The following IL19 variants were observed in gnomAD, a reference collection of about 807,000 sequenced individuals.
The protein encoded by IL19 is interleukin-19.
IL19 carries 15 observed loss-of-function variants against 19.5 expected under a neutral mutation model. The observed-to-expected ratio is 0.77, with a 90% CI of 0.52 to 1.19. IL19 has a LOEUF of 1.19. Among genes scored for constraint, IL19 ranks in the 50% most tolerant of loss-of-function variants. The probability of loss-of-function intolerance (pLI) is 0.00; values close to 1 mark genes in which losing one functional copy is unlikely to be tolerated. For synonymous variants in IL19, 78 were observed against 78.3 expected, an observed-to-expected ratio of 1.00 and a Z score of 0.02; for missense variants, 199 against 213.1, an observed-to-expected ratio of 0.93 and a Z score of 0.41.
chr1:206,776,469 T>A (rs202128935), intron 1 of IL19, among the ~76,000 whole-genome samples: 1 of 151,844 alleles, frequency 6.6e-6, no homozygotes, highest in East Asian at 1.9e-4. Flanking sequence ...TGCAAATAGA[T>A]TTTGGAGGGT....
At chr1:206,795,621 A>G (rs991663387) in intron 1 of IL19, among the ~76,000 whole-genome samples, 2 of 152,246 alleles carry the variant, frequency 1.3e-5, no homozygotes, top group African/African-American at 2.4e-5. Flanking sequence ...CTTCTTCCTC[A>G]TTCTATGGAT....
intron 1 of IL19, among the ~76,000 whole-genome samples, chr1:206,783,304 G>T (rs1025128206): frequency 3.3e-5 from 5 of 152,142 alleles, no homozygotes; most frequent in African/African-American, 1.2e-4. Context: ...AATAGTTTAA[G>T]GAGGCCCAAC....
At chr1:206,835,720 G>A (rs943424391) in intron 2 of IL19, among the ~76,000 whole-genome samples, 7 of 152,338 alleles carry the variant, frequency 4.6e-5, no homozygotes, top group Admixed American at 6.5e-5. Flanking sequence ...GGCTGCTCTC[G>A]TCACATGTGT....
At chr1:206,831,683 C>T (rs367893203) in intron 2 of IL19, among the ~76,000 whole-genome samples, 27 of 152,108 alleles carry the variant, frequency 1.8e-4, no homozygotes, top group Non-Finnish European at 3.5e-4. Context: ...ACATGGTGAA[C>T]GTGCAGTAGG....
intron 2 of IL19, among the ~76,000 whole-genome samples, chr1:206,836,017 G>A (rs988077597): frequency 2.6e-5 from 4 of 152,180 alleles, no homozygotes; most frequent in Admixed American, 6.5e-5. Context: ...GGTGACCGAC[G>A]GGAAGTTGCC....
chr1:206,830,335 A>T (rs1487803890), intron 2 of IL19, among the ~76,000 whole-genome samples: 1 of 152,232 alleles, frequency 6.6e-6, no homozygotes, highest in Non-Finnish European at 1.5e-5. Flanking sequence ...ACTGAAAATG[A>T]GGAATAAAAG....
chr1:206,781,914 T>C (rs1675146215), intron 1 of IL19, among the ~76,000 whole-genome samples: 1 of 112,014 alleles, frequency 8.9e-6, no homozygotes. Flanking sequence ...CATATATATG[T>C]ATATAGTTAT....
chr1:206,816,957 A>G (rs1043099961), intron 2 of IL19, among the ~76,000 whole-genome samples: 4 of 152,242 alleles, frequency 2.6e-5, no homozygotes, highest in Non-Finnish European at 4.4e-5. Flanking sequence ...GAAAAGCTGA[A>G]ACTGAAACTG....
intron 1 of IL19, among the ~76,000 whole-genome samples, chr1:206,792,779 C>T (rs927725807): frequency 2.0e-5 from 3 of 151,888 alleles, no homozygotes; most frequent in Non-Finnish European, 4.4e-5. Flanking sequence ...CTCTTAAGCC[C>T]ATCTTATAGG....
chr1:206,819,671 G>T (rs994335031), intron 2 of IL19, among the ~76,000 whole-genome samples: 11 of 152,118 alleles, frequency 7.2e-5, no homozygotes, highest in African/African-American at 2.7e-4. Context: ...CAACATATTG[G>T]AGAGTTCAGA....
At chr1:206,808,787 G>C (rs957170952) in intron 2 of IL19, among the ~76,000 whole-genome samples, 1 of 152,178 alleles carries the variant, frequency 6.6e-6, no homozygotes, top group Non-Finnish European at 1.5e-5. Flanking sequence ...CCTAAGAAAA[G>C]GCTCCCAGCC....
At chr1:206,803,245 G>A (rs952424134) in intron 2 of IL19, among the ~76,000 whole-genome samples, 5 of 152,174 alleles carry the variant, frequency 3.3e-5, no homozygotes, top group African/African-American at 1.2e-4. Context: ...GCTGCTGAGA[G>A]AACTTGGGGT....
intron 2 of IL19, among the ~76,000 whole-genome samples, chr1:206,810,719 C>T (rs951284932): frequency 6.6e-6 from 1 of 152,174 alleles, no homozygotes; most frequent in African/African-American, 2.4e-5. Flanking sequence ...AGTTTGGATG[C>T]CTGTCCCCTC....
chr1:206,822,047 C>T (rs1030225978), intron 2 of IL19, among the ~76,000 whole-genome samples: 12 of 152,104 alleles, frequency 7.9e-5, no homozygotes, highest in East Asian at 1.9e-4. Flanking sequence ...AACTTGAGCA[C>T]GGCAGTTTTA....
At chr1:206,804,885 G>A (rs1675806586) in intron 2 of IL19, among the ~76,000 whole-genome samples, 1 of 152,246 alleles carries the variant, frequency 6.6e-6, no homozygotes, top group Admixed American at 6.5e-5. Context: ...CTGCATGGGT[G>A]AAATTATCTG....
Position 206,789,798 on chromosome 1 carries a change from G to A in IL19, c.-148-9063G>A, listed in dbSNP as rs115483118. Among the ~76,000 whole-genome samples, 417 of 152,212 alleles carry A rather than the reference G, an allele frequency of 2.7e-3. 2 individuals carry two copies. The highest frequency in any genetic ancestry group is 9.7e-3 in the African/African-American group (401 of 41,526). On this transcript the variant is annotated intron_variant, in intron 1 of 6. Transcript: ENST00000659997. ...TGTGTCCATGTGTTCTCATCAATGA[G>A]CTCCGACTTACAAGTGAGAACATGT... is the stretch of plus-strand genomic sequence containing the variant.
intron 2 of IL19, among the ~76,000 whole-genome samples, chr1:206,804,898 TC>T (rs1675807255): frequency 6.6e-6 from 1 of 152,216 alleles, no homozygotes; most frequent in African/African-American, 2.4e-5. Flanking sequence ...ATTATCTGAA[TC>T]CCAGAGAAAT....
chr1:206,810,996 T>G (rs1675993037), intron 2 of IL19, among the ~76,000 whole-genome samples: 1 of 152,210 alleles, frequency 6.6e-6, no homozygotes, highest in African/African-American at 2.4e-5. Flanking sequence ...CAGAAGCAGA[T>G]GCCAGTGCAA....
intron 1 of IL19, among the ~76,000 whole-genome samples, chr1:206,787,545 A>G (rs756966483): frequency 9.2e-5 from 14 of 152,204 alleles, no homozygotes; most frequent in Non-Finnish European, 1.8e-4. Context: ...GTAAAGACCT[A>G]GGTCCGGGAA....
Sources: gnomAD v4.1 joint callset for allele counts (sites outside exome capture counted in the v4.1 genomes callset) on GRCh38, gnomAD v4.1.1 for gene constraint, MANE v1.5 for transcripts, NCBI Gene and HGNC (gene_info 2026-07-23, HGNC 2026-07-21) for gene names.